Variants in TRMT61B observed in about 807,000 individuals in gnomAD.
The protein encoded by TRMT61B is tRNA methyltransferase 61B.
In TRMT61B, 56 loss-of-function variants were observed where a neutral mutation model predicts 52.0. The ratio of observed to expected loss-of-function variants is 1.08; its 90% confidence interval spans 0.87 to 1.35. The LOEUF (loss-of-function observed/expected upper bound fraction) is 1.35, where lower values mean the gene tolerates loss of function less well. Among genes scored for constraint, TRMT61B ranks in the 40% most tolerant of loss-of-function variants. The pLI, the probability that TRMT61B is intolerant of heterozygous loss-of-function variation, is 0.00. For missense variants in TRMT61B, 650 were observed against 577.9 expected (o/e 1.12, Z -1.28); for synonymous variants, 206 against 220.0 (o/e 0.94, Z 0.56).
intron 3 of TRMT61B, among the ~76,000 whole-genome samples, chr2:28,854,755 A>T (rs1385331185): frequency 5.5e-5 from 3 of 54,392 alleles, no homozygotes; most frequent in Non-Finnish European, 1.2e-4. Flanking sequence ...AAAAAAAAAA[A>T]AAAAAAAAAA....
At chr2:28,866,129 A>G (rs1669836061) in intron 1 of TRMT61B, among the ~76,000 whole-genome samples, 1 of 150,992 alleles carries the variant, frequency 6.6e-6, no homozygotes, top group African/African-American at 2.4e-5. Context: ...AGCTGGGATT[A>G]CAGGCACCCA....
rs761099113 is a variant in TRMT61B at position 28,851,208 on chromosome 2, A to G, written c.1176T>C (p.Asp392=). ...CEKISEVIVR[D]WLVCLAKQKN... ...TCTGTTTTGCAAGGCAAACCAACCAATCTCTGACAATGACCTCGCTTATCT... is the reference window on the plus strand; with the variant it reads ...TCTGTTTTGCAAGGCAAACCAACCAGTCTCTGACAATGACCTCGCTTATCT... The change falls in exon 5 of 7, where the codon GAT becomes GAC. Residue 392 remains aspartate, a synonymous_variant. Coordinates refer to ENST00000306108, the MANE Select transcript of TRMT61B (RefSeq NM_017910.4). 9 of 1,613,548 alleles carry G rather than the reference A, an allele frequency of 5.6e-6. No individual in the cohort carries two copies. In the East Asian group the frequency reaches 2.0e-4, roughly 36 times the overall value.
chr2:28,860,926 C>T (rs77882592), intron 3 of TRMT61B, among the ~76,000 whole-genome samples, 192 bp downstream of exon 3: 4,108 of 152,264 alleles, frequency 0.027, 93 homozygotes, highest in Middle Eastern at 0.075. Flanking sequence ...GCACCCAACT[C>T]GGTAACTCAG....
At chr2:28,859,486 A>G (rs1321286255) in intron 3 of TRMT61B, among the ~76,000 whole-genome samples, 1 of 152,148 alleles carries the variant, frequency 6.6e-6, no homozygotes, top group Non-Finnish European at 1.5e-5. Context: ...AAGAAAAGGA[A>G]ATTATTCATG....
chr2:28,855,146 C>G (rs902582305), intron 3 of TRMT61B, among the ~76,000 whole-genome samples: 1 of 152,122 alleles, frequency 6.6e-6, no homozygotes, highest in Non-Finnish European at 1.5e-5. Context: ...AGGCCACTGT[C>G]ACTGCAGTGG....
intron 5 of TRMT61B, 101 bp downstream of exon 5, chr2:28,850,971 T>C (rs968640206): frequency 2.6e-5 from 19 of 734,980 alleles, no homozygotes; most frequent in East Asian, 1.2e-4. Context: ...CACTTTTCTA[T>C]AGAAAATTGC....
intron 1 of TRMT61B, 64 bp from the exon 2 acceptor site, chr2:28,865,183 A>G: frequency 1.1e-6 from 1 of 905,244 alleles, no homozygotes; most frequent in South Asian, 1.4e-5. Flanking sequence ...ACCTAGTCTT[A>G]TCTTACATTG....
Position 28,869,953 on chromosome 2 carries a change from G to T in TRMT61B, c.325C>A (p.Gln109Lys), listed in dbSNP as rs555261204. Reference protein sequence around the residue: ...PRELEDSSGDQGRCGPTHQGS... With the variant: ...PRELEDSSGDKGRCGPTHQGS... ...TGGTGTGTGGGACCGCACCGGCCCT[G>T]GTCTCCGCTCGAGTCCTCGAGCTCT... Residue 109 changes from glutamine to lysine, a missense_variant, in exon 1 of 7, where the codon CAG becomes AAG. Transcript: ENST00000306108. 8 of 1,613,874 alleles carry T rather than the reference G, an allele frequency of 5.0e-6. No individual in the cohort carries two copies. In the African/African-American group the frequency reaches 9.3e-5, roughly 19 times the overall value.
At chr2:28,858,096 A>G (rs571047270) in intron 3 of TRMT61B, among the ~76,000 whole-genome samples, 2 of 144,620 alleles carry the variant, frequency 1.4e-5, no homozygotes, top group Admixed American at 7.2e-5. Context: ...GCTGGAGTGC[A>G]GTGGCGCCAT....
intron 3 of TRMT61B, among the ~76,000 whole-genome samples, chr2:28,854,529 C>A (rs1032282079): frequency 1.2e-4 from 19 of 152,022 alleles, no homozygotes; most frequent in Non-Finnish European, 7.4e-5. Flanking sequence ...CACCTGAGGT[C>A]ACGAGTTCAA....
At chr2:28,850,288 GAAAA>G in intron 6 of TRMT61B, 36 bp downstream of exon 6, 3 of 1,601,318 alleles carry the variant, frequency 1.9e-6, no homozygotes, top group Non-Finnish European at 2.6e-6. Flanking sequence ...TTAATTAAAA[GAAAA>G]AACACCATTT....
intron 3 of TRMT61B, among the ~76,000 whole-genome samples, chr2:28,859,361 G>T (rs907766619): frequency 2.0e-5 from 3 of 152,178 alleles, no homozygotes; most frequent in African/African-American, 4.8e-5. Context: ...GATTACAGGC[G>T]TGAGCCACTG....
intron 6 of TRMT61B, 31 bp downstream of exon 6, chr2:28,850,297 C>T: frequency 6.3e-7 from 1 of 1,598,688 alleles, no homozygotes. Context: ...AGAAAAAACA[C>T]CATTTAATAT....
intron 3 of TRMT61B, among the ~76,000 whole-genome samples, chr2:28,858,040 T>TA (rs1669420858): frequency 7.7e-6 from 1 of 129,174 alleles, no homozygotes; most frequent in Non-Finnish European, 1.7e-5. Flanking sequence ...TTTGTTTAAT[T>TA]CTTTTTTTTT....
chr2:28,869,525 C>T, intron 1 of TRMT61B, 54 bp downstream of exon 1: 1 of 1,229,878 alleles, frequency 8.1e-7, no homozygotes, highest in Non-Finnish European at 1.2e-6. Flanking sequence ...CTGAGTACTG[C>T]ATCTGTCTTT....
intron 2 of TRMT61B, 179 bp from the exon 3 acceptor site, chr2:28,861,487 C>A (rs1669596381): frequency 1.8e-6 from 1 of 556,308 alleles, no homozygotes; most frequent in South Asian, 2.5e-5. Context: ...TCAGAGGCAA[C>A]CACATTACCA....
At chr2:28,863,484 TATCC>T (rs561989180) in intron 2 of TRMT61B, among the ~76,000 whole-genome samples, 3 of 143,888 alleles carry the variant, frequency 2.1e-5, no homozygotes, top group Non-Finnish European at 4.6e-5. Context: ...TGGAGAAAAA[TATCC>T]ATCACATAGG....
chr2:28,852,535 T>TCCAGTTC, intron 3 of TRMT61B, 36 bp from the exon 4 acceptor site: 1 of 1,361,752 alleles, frequency 7.3e-7, no homozygotes, highest in Non-Finnish European at 1.0e-6. Flanking sequence ...ATCAGTCTGA[T>TCCAGTTC]TCCGTTTAAA....
chr2:28,861,302 G>T lies in TRMT61B; in HGVS notation c.809C>A (p.Ser270Ter). ...CTCAAAACTTATGACTCGTCCTTGT[G>T]ATCCAACTTAAGTAAAAAATAATTT... ...MSLFLSKAVG[S>*]QGRVISFEVR... Residue 270 changes from serine to a stop codon, truncating the protein, a stop_gained, in exon 3 of 7, where the codon TCA (serine) becomes TAA (stop). Transcript: ENST00000306108. LOFTEE classifies it high-confidence loss of function. The T allele has an allele frequency of 2.5e-6, 4 of 1,574,446 alleles. No homozygotes were observed. Among genetic ancestry groups the T allele is most frequent in the Non-Finnish European group, 2.6e-6 (3 of 1,166,100 alleles).
Sources: allele counts gnomAD v4.1 joint callset (sites outside exome capture counted in the v4.1 genomes callset), GRCh38; gene constraint gnomAD v4.1.1; transcripts MANE v1.5; gene names NCBI Gene and HGNC (gene_info 2026-07-23, HGNC 2026-07-21).